Variants in ZHX3 observed in about 807,000 individuals in gnomAD.
The protein encoded by ZHX3 is zinc fingers and homeoboxes protein 3.
A neutral mutation model predicts 64.5 loss-of-function variants in ZHX3; 20 were observed. The ratio of observed to expected loss-of-function variants is 0.31; its 90% CI spans 0.22 to 0.45. ZHX3 has a LOEUF of 0.45. Ranked by LOEUF, ZHX3 falls within the 20% of genes least tolerant of loss-of-function variation. The probability of loss-of-function intolerance (pLI) is 1.00; values close to 1 mark genes in which losing one functional copy is unlikely to be tolerated. For synonymous variants in ZHX3, 423 were observed against 461.6 expected, an observed-to-expected ratio of 0.92 and a Z score of 1.07; for missense variants, 1,041 against 1,195.8, an observed-to-expected ratio of 0.87 and a Z score of 1.91.
At position 41,317,531 on chromosome 20, in the gene ZHX3, C is replaced by G. The variant is rs2045323644; in HGVS notation, c.-267G>C. On this transcript the variant is annotated 5_prime_UTR_variant, in exon 1 of 4. Transcript: ENST00000683867. ...CACCTGGCAGCGGCGGCGGTGGCGGCGCCCGCGACCGGGCCGCTCTTCCCG... is the reference window on the plus strand; with the variant it reads ...CACCTGGCAGCGGCGGCGGTGGCGGGGCCCGCGACCGGGCCGCTCTTCCCG... 6.8e-6 allele frequency: 1 copy of G among 147,922 alleles called. No homozygotes were observed. The highest frequency in any genetic ancestry group is 1.9e-4 in the East Asian group (1 of 5,134). 9.2% of individuals were successfully genotyped at this position (147,922 alleles called of 1,614,324 possible).
chr20:41,258,452 G>C lies in ZHX3; in HGVS notation c.-151+10538C>G, dbSNP rs1487972013. ...CAGAATCCTATTCAGAATCCCCGCT[G>C]TATTTAGTTGTTATTTATCCTTAGT... On this transcript the variant is annotated intron_variant, in intron 2 of 3. Coordinates refer to ENST00000683867, the MANE Select transcript of ZHX3 (RefSeq NM_001384317.1). 5.3e-5 allele frequency among the ~76,000 whole-genome samples: 8 copies of C among 152,104 alleles called. No homozygotes were observed. The South Asian group carries it at 1.7e-3, about 32-fold the overall frequency.
At chr20:41,247,715 T>A (rs2041780102) in intron 2 of ZHX3, among the ~76,000 whole-genome samples, 1 of 152,146 alleles carries the variant, frequency 6.6e-6, no homozygotes, top group African/African-American at 2.4e-5. Flanking sequence ...CAATCTACAC[T>A]GCCTGCACCC....
chr20:41,290,432 C>T (rs961732015), intron 1 of ZHX3: 3 of 152,170 alleles, frequency 2.0e-5, no homozygotes, highest in Non-Finnish European at 4.4e-5. Context: ...TTCCCTGCTC[C>T]CAGGAGGTCA....
At chr20:41,268,689 G>C (rs2042980694) in intron 2 of ZHX3, among the ~76,000 whole-genome samples, 1 of 152,132 alleles carries the variant, frequency 6.6e-6, no homozygotes, top group Non-Finnish European at 1.5e-5. Flanking sequence ...ATCATAGAGA[G>C]ACACAACACA....
chr20:41,292,613 T>C (rs934905894), intron 1 of ZHX3, among the ~76,000 whole-genome samples: 3 of 152,194 alleles, frequency 2.0e-5, no homozygotes, highest in Non-Finnish European at 4.4e-5. Context: ...AAGCTGCCCT[T>C]TGCATGAGTA....
intron 1 of ZHX3, among the ~76,000 whole-genome samples, chr20:41,275,766 C>T (rs939560927): frequency 4.6e-5 from 7 of 152,196 alleles, no homozygotes; most frequent in African/African-American, 1.4e-4. Context: ...ATCTTTAGGG[C>T]TCACACAATT....
rs780486968 is a variant in ZHX3, at chr20:41,203,259, T to A, written c.1658A>T (p.Lys553Met). 2 of 1,614,178 alleles carry A rather than the reference T, an allele frequency of 1.2e-6. No homozygotes were observed. Among genetic ancestry groups the A allele is most frequent in the Non-Finnish European group, 1.7e-6 (2 of 1,180,026 alleles). ...SDRRYHCRNLKGSRAMIPGDH... is the reference protein window; with the variant it reads ...SDRRYHCRNLMGSRAMIPGDH... ...TCCAGGTATCATCGCTCTGGAGCCC[T>A]TCAAGTTCCGGCAGTGGTATCTACG... Residue 553 changes from lysine to methionine, a missense_variant, in exon 3 of 4, where the codon AAG (lysine) becomes ATG (methionine). Coordinates refer to ENST00000683867, the MANE Select transcript of ZHX3 (RefSeq NM_001384317.1). This position sits in a 1 kb window ranked among gnomAD's most constrained non-coding sequence, Gnocchi z 7.1.
intron 1 of ZHX3, among the ~76,000 whole-genome samples, chr20:41,297,784 T>C (rs1234093854): frequency 6.6e-6 from 1 of 152,190 alleles, no homozygotes; most frequent in Non-Finnish European, 1.5e-5. Context: ...ACAACGGCCA[T>C]ATTTTCTCCC....
At chr20:41,237,889 G>A (rs2041121040) in intron 2 of ZHX3, among the ~76,000 whole-genome samples, 1 of 152,186 alleles carries the variant, frequency 6.6e-6, no homozygotes, top group Non-Finnish European at 1.5e-5. Context: ...CTAAGAAAGA[G>A]GTTCCAGATG....
intron 2 of ZHX3, among the ~76,000 whole-genome samples, chr20:41,218,260 A>T (rs751506831): frequency 6.6e-6 from 1 of 152,212 alleles, no homozygotes; most frequent in African/African-American, 2.4e-5. Context: ...CCTGGGCAAC[A>T]TAAGGAGACT....
intron 1 of ZHX3, among the ~76,000 whole-genome samples, chr20:41,303,307 A>T (rs1037092043): frequency 1.3e-5 from 2 of 152,232 alleles, no homozygotes; most frequent in African/African-American, 2.4e-5. Context: ...TGAAACAAAA[A>T]GGATAGGTAG....
chr20:41,264,912 T>C (rs987820352), intron 2 of ZHX3, among the ~76,000 whole-genome samples: 1 of 152,134 alleles, frequency 6.6e-6, no homozygotes, highest in South Asian at 2.1e-4. Flanking sequence ...CTAAAACTAA[T>C]AATAAAGGTA....
intron 2 of ZHX3, among the ~76,000 whole-genome samples, chr20:41,214,717 G>A (rs1486294513): frequency 2.6e-5 from 4 of 152,304 alleles, no homozygotes; most frequent in Admixed American, 1.3e-4. Context: ...TGCTTAAACA[G>A]CAAAGTTCTA....
In ZHX3 at chr20:41,186,475, G is replaced by C. The variant is rs546444501; in HGVS notation, c.2861-1274C>G. Among the ~76,000 whole-genome samples, 9 of 152,334 alleles carry C rather than the reference G, an allele frequency of 5.9e-5. No individual in the cohort carries two copies. The South Asian group carries it at 1.9e-3, about 32-fold the overall frequency. On this transcript the variant is annotated intron_variant, in intron 3 of 3. Coordinates refer to ENST00000683867, the MANE Select transcript of ZHX3 (RefSeq NM_001384317.1). ...AACACTGATGTACATGCATATGTGA[G>C]TCCCTGTTTTCAGTCCTTGGGGCGT...
chr20:41,277,970 G>GGA lies in ZHX3; in HGVS notation c.-244-8888_-244-8887insTC, dbSNP rs1555860786. Among the ~76,000 whole-genome samples the GGA allele has an allele frequency of 2.9e-5, 4 of 136,702 alleles. 1 individual carries two copies. Among genetic ancestry groups the GGA allele is most frequent in the African/African-American group, 8.4e-5 (3 of 35,792 alleles). 89.7% of individuals were successfully genotyped at this position (136,702 alleles called of 152,430 possible). A position where few individuals can be genotyped will look rare whatever the true frequency, so the allele number is the denominator to read the frequency against. ...GGATGGAAAGATTAATTTAAGTGTG[G>GGA]AAAAAAAACTCCCCTGATTACAAGA... On this transcript the variant is annotated intron_variant, in intron 1 of 3. Coordinates refer to ENST00000683867, the MANE Select transcript of ZHX3 (RefSeq NM_001384317.1).
chr20:41,286,651 T>C (rs575136301), intron 1 of ZHX3, among the ~76,000 whole-genome samples: 1 of 152,340 alleles, frequency 6.6e-6, no homozygotes, highest in South Asian at 2.1e-4. Flanking sequence ...AAGCCCTGCA[T>C]GATCTATCTT....
rs2045041494 is a variant in ZHX3 at position 41,308,467 on chromosome 20, G to A, written c.-245+9042C>T. 2.0e-5 allele frequency among the ~76,000 whole-genome samples: 3 copies of A among 152,208 alleles called. No individual in the cohort carries two copies. The South Asian group carries it at 6.2e-4, about 31-fold the overall frequency. On this transcript the variant is annotated intron_variant, in intron 1 of 3. Transcript: ENST00000683867. ...TGGAACACATGATTGAGCAAATCAA[G>A]TTTTAGGCTCAAGGTCCATAGCAAC...
At position 41,278,560 on chromosome 20, in the gene ZHX3, G is replaced by A. The variant is rs556329769; in HGVS notation, c.-244-9477C>T. ...ATTCTTTGCATCTTTTATTACTACT[G>A]AGGTTAAATCTTTTCATGTGATTAG... On this transcript the variant is annotated intron_variant, in intron 1 of 3. Coordinates refer to ENST00000683867, the MANE Select transcript of ZHX3 (RefSeq NM_001384317.1). Among the ~76,000 whole-genome samples, 12 of 140,802 alleles carry A rather than the reference G, an allele frequency of 8.5e-5. 2 individuals carry two copies. In the South Asian group the frequency reaches 2.7e-3, roughly 32 times the overall value. The allele number at this position is 140,802 out of a possible 152,430, so 92.4% of individuals were successfully genotyped here.
intron 2 of ZHX3, among the ~76,000 whole-genome samples, chr20:41,239,253 C>A (rs1370442759): frequency 6.6e-6 from 1 of 151,918 alleles, no homozygotes; most frequent in Non-Finnish European, 1.5e-5. Flanking sequence ...TCGTGATCCG[C>A]CCGCCTCGGC....
Sources: gnomAD v4.1 joint callset for allele counts (sites outside exome capture counted in the v4.1 genomes callset) on GRCh38, gnomAD v4.1.1 for gene constraint, Gnocchi (gnomAD v3.1) non-coding constraint, MANE v1.5 for transcripts, NCBI Gene and HGNC (gene_info 2026-07-23, HGNC 2026-07-21) for gene names.